Variants in PPP1R1B observed in about 807,000 individuals in gnomAD.
The protein encoded by PPP1R1B is protein phosphatase 1 regulatory inhibitor subunit 1B.
PPP1R1B carries 13 observed loss-of-function variants against 28.2 expected under a neutral mutation model. The observed-to-expected ratio is 0.46, with a 90% CI of 0.30 to 0.73. The LOEUF is 0.73. Among genes scored for constraint, PPP1R1B ranks in the 30% least tolerant of loss-of-function variants. The probability of loss-of-function intolerance (pLI) is 0.07; values close to 1 mark genes in which losing one functional copy is unlikely to be tolerated. For synonymous variants in PPP1R1B, 102 were observed against 97.5 expected (o/e 1.05, Z -0.27); for missense variants, 236 against 256.7 (o/e 0.92, Z 0.55).
At position 39,630,047 on chromosome 17, in the gene PPP1R1B, G is replaced by A; in HGVS notation, c.241G>A (p.Ala81Thr). ...TGCCTACACACCACCTTCGCTGAAA[G>A]GTACTATACCCCCACCGACCTTCCT... ...PCAYTPPSLKAVQRIAESHLQ... is the reference protein window; with the variant it reads ...PCAYTPPSLKTVQRIAESHLQ... The change falls in exon 4 of 7, where the codon GCT becomes ACT. Residue 81 changes from alanine (A) to threonine (T), a missense_variant and splice_region_variant. Coordinates refer to ENST00000254079, the MANE Select transcript of PPP1R1B (RefSeq NM_032192.4). The A allele has an allele frequency of 6.2e-7, 1 of 1,614,034 alleles. No individual in the cohort carries two copies. The highest frequency in any genetic ancestry group is 8.5e-7 in the Non-Finnish European group (1 of 1,179,922).
Position 39,633,482 on chromosome 17 carries a change from C to T in PPP1R1B, c.242-401C>T, listed in dbSNP as rs181913274. 3.1e-5 allele frequency: 6 copies of T among 194,732 alleles called. No homozygotes were observed. The East Asian group carries it at 5.1e-4, about 16-fold the overall frequency. The allele number at this position is 194,732 out of a possible 1,614,324, so 12.1% of individuals were successfully genotyped here. On this transcript the variant is annotated intron_variant, in intron 4 of 6. Coordinates refer to ENST00000254079, the MANE Select transcript of PPP1R1B (RefSeq NM_032192.4). ...GCAAATCCCCAGGCCCTGGTTCCTA[C>T]GCCCTGTGCCTTCTGCCTGGGCTTG...
intron 4 of PPP1R1B, chr17:39,632,554 C>T (rs1360441734): frequency 1.3e-5 from 2 of 152,238 alleles, no homozygotes; most frequent in Non-Finnish European, 2.9e-5. Flanking sequence ...AATCGAGGGC[C>T]CTAGAGAGAG....
In PPP1R1B at chr17:39,629,202, G is replaced by A. The variant is rs1369779119; in HGVS notation, c.114G>A (p.Leu38=). ...IRRRRPTPAM[L]FRLSEHSSPE... is the part of the protein sequence containing the mutation. Reference sequence around the variant, plus strand: ...GCAGGAGACCAACGCCTGCCATGCTGTTCCGGCTCTCAGAGCACTCCTCAC... The same window carrying A: ...GCAGGAGACCAACGCCTGCCATGCTATTCCGGCTCTCAGAGCACTCCTCAC... The change falls in exon 2 of 7, where the codon CTG becomes CTA. Residue 38 remains leucine, a synonymous_variant. Transcript: ENST00000254079. 6.2e-7 allele frequency: 1 copy of A among 1,613,756 alleles called. No individual in the cohort carries two copies. The highest frequency in any genetic ancestry group is 8.5e-7 in the Non-Finnish European group (1 of 1,179,922).
At chr17:39,627,550 C>G in intron 1 of PPP1R1B, 77 bp downstream of exon 1, 1 of 953,926 alleles carries the variant, frequency 1.0e-6, no homozygotes, top group South Asian at 1.7e-5. Flanking sequence ...AAGGCGCTGC[C>G]CCGGCCGGAC....
chr17:39,629,991 A>G lies in PPP1R1B; in HGVS notation c.185A>G (p.His62Arg), dbSNP rs2144837877. Residue 62 changes from histidine to arginine, a missense_variant, in exon 4 of 7, where the codon CAC (histidine) becomes CGC (arginine). Transcript: ENST00000254079. ...TGGCAGAGAGCCTCAGGAGAGGGGC[A>G]CCATCTCAAGTCGAAGAGACCCAAC... ...SPHQRASGEG[H>R]HLKSKRPNPC... 1 of 1,614,104 alleles carries G rather than the reference A, an allele frequency of 6.2e-7. No individual in the cohort carries two copies.
Position 39,627,414 on chromosome 17 carries a change from A to C in PPP1R1B, c.22A>C (p.Lys8Gln). 1 of 1,603,908 alleles carries C rather than the reference A, an allele frequency of 6.2e-7. No homozygotes were observed. Among genetic ancestry groups the C allele is most frequent in the Non-Finnish European group, 8.5e-7 (1 of 1,176,564 alleles). The stretch of plus-strand genomic sequence containing the variant: ...CGCCATGGACCCCAAGGACCGCAAG[A>C]AGATCCAGTTCTCGGTGCCCGCGCC... Reference protein sequence around the residue: MDPKDRKKIQFSVPAPPS... With the variant: MDPKDRKQIQFSVPAPPS... Residue 8 changes from lysine to glutamine, a missense_variant, in exon 1 of 7, where the codon AAG becomes CAG. By Grantham distance (53) the Lys-to-Gln change is moderately conservative. Transcript: ENST00000254079.
chr17:39,631,107 C>T (rs1383987873), intron 4 of PPP1R1B, among the ~76,000 whole-genome samples: 1 of 151,806 alleles, frequency 6.6e-6, no homozygotes, highest in African/African-American at 2.4e-5. Flanking sequence ...TAGAGGTGCA[C>T]ACCTATAGTC....
rs142312063 is a variant in PPP1R1B at position 39,635,678 on chromosome 17, G to A, written c.517G>A (p.Glu173Lys). The A allele has an allele frequency of 1.3e-5, 21 of 1,613,958 alleles. No homozygotes were observed. The highest frequency in any genetic ancestry group is 2.7e-5 in the African/African-American group (2 of 74,884). ...GCGCCCACCCCCTCTGGATGAGTCC[G>A]AGAGAGATGGAGGCTCTGAGGACCA... is the stretch of plus-strand genomic sequence containing the variant. Reference protein sequence around the residue: ...WERPPPLDESERDGGSEDQVE... With the variant: ...WERPPPLDESKRDGGSEDQVE... Residue 173 changes from glutamate to lysine, a missense_variant, in exon 6 of 7, where the codon GAG becomes AAG. Glu to Lys is a moderately conservative substitution (Grantham distance 56). Transcript: ENST00000254079.
chr17:39,630,085 G>A lies in PPP1R1B; in HGVS notation c.241+38G>A. The A allele has an allele frequency of 1.3e-6, 2 of 1,588,958 alleles. 1 individual carries two copies. ...CACCGACCTTCCTGGCTGTCCGCCTGATCCCTGGAACTGGGCAGACGCTAG... is the reference window on the plus strand; with the variant it reads ...CACCGACCTTCCTGGCTGTCCGCCTAATCCCTGGAACTGGGCAGACGCTAG... On this transcript the variant is annotated intron_variant, in intron 4 of 6. Transcript: ENST00000254079.
At chr17:39,634,801 T>G (rs1306210647) in intron 5 of PPP1R1B, among the ~76,000 whole-genome samples, 1 of 152,172 alleles carries the variant, frequency 6.6e-6, no homozygotes, top group Non-Finnish European at 1.5e-5. Context: ...TGGGCTTCAG[T>G]CCCTTTGTGG....
chr17:39,630,695 G>A (rs915677608), intron 4 of PPP1R1B, among the ~76,000 whole-genome samples: 5 of 152,208 alleles, frequency 3.3e-5, no homozygotes, highest in East Asian at 1.9e-4. Context: ...AGGCCAAGGC[G>A]GGAGGACTGC....
intron 4 of PPP1R1B, 79 bp downstream of exon 4, chr17:39,630,126 T>A: frequency 1.5e-6 from 2 of 1,350,922 alleles, no homozygotes; most frequent in Non-Finnish European, 2.1e-6. Context: ...CTTTTGTCAG[T>A]GGGGAGGGAT....
chr17:39,635,293 G>A lies in PPP1R1B; in HGVS notation c.446-314G>A, dbSNP rs1236709313. Among the ~76,000 whole-genome samples the A allele has an allele frequency of 2.6e-5, 4 of 152,188 alleles. No individual in the cohort carries two copies. In the East Asian group the frequency reaches 7.7e-4, roughly 29 times the overall value. On this transcript the variant is annotated intron_variant, in intron 5 of 6. Coordinates refer to ENST00000254079, the MANE Select transcript of PPP1R1B (RefSeq NM_032192.4). ...GGTCAAATGATAGTCCTATGATGGA[G>A]CAATATAAACCACCACGACTCCTAG...
chr17:39,629,948 T>C, intron 3 of PPP1R1B, 24 bp from the exon 4 acceptor site: 1 of 1,613,058 alleles, frequency 6.2e-7, no homozygotes, highest in Non-Finnish European at 8.5e-7. Context: ...CTGAGCCCCT[T>C]TAACCTGGCA....
At position 39,630,002 on chromosome 17, in the gene PPP1R1B, T is replaced by G. The variant is rs1399902677; in HGVS notation, c.196T>G (p.Ser66Ala). Reference sequence around the variant, plus strand: ...CTCAGGAGAGGGGCACCATCTCAAGTCGAAGAGACCCAACCCCTGTGCCTA... The same window carrying G: ...CTCAGGAGAGGGGCACCATCTCAAGGCGAAGAGACCCAACCCCTGTGCCTA... The part of the protein sequence containing the change: ...RASGEGHHLK[S>A]KRPNPCAYTP... Residue 66 changes from serine (S) to alanine (A), a missense_variant, in exon 4 of 7, where the codon TCG becomes GCG. Ser to Ala is a moderately conservative substitution (Grantham distance 99). Coordinates refer to ENST00000254079, the MANE Select transcript of PPP1R1B (RefSeq NM_032192.4). 6.2e-7 allele frequency: 1 copy of G among 1,614,042 alleles called. No individual in the cohort carries two copies. Among genetic ancestry groups the G allele is most frequent in the South Asian group, 1.1e-5 (1 of 91,080 alleles).
intron 1 of PPP1R1B, chr17:39,628,464 G>T: frequency 1.0e-6 from 1 of 981,552 alleles, no homozygotes; most frequent in African/African-American, 1.7e-5. Flanking sequence ...GGGGCGGTCA[G>T]TTGCTGCTTG....
chr17:39,629,714 C>T, intron 3 of PPP1R1B, 152 bp downstream of exon 3: 1 of 817,478 alleles, frequency 1.2e-6, no homozygotes, highest in African/African-American at 1.7e-5. Context: ...TGCCTCATGC[C>T]AGGGTGCCAC....
chr17:39,628,453 G>T, intron 1 of PPP1R1B: 9 of 955,212 alleles, frequency 9.4e-6, no homozygotes, highest in Non-Finnish European at 1.1e-5. Flanking sequence ...GGGCGGGGAG[G>T]GGGGCGGTCA....
chr17:39,627,144 G>A lies in PPP1R1B; in HGVS notation c.-249G>A, dbSNP rs1418376720. On this transcript the variant is annotated 5_prime_UTR_variant, in exon 1 of 7. Coordinates refer to ENST00000254079, the MANE Select transcript of PPP1R1B (RefSeq NM_032192.4). ...GGGGAGCGCGAGGGAGCGAGGCACAGACCTGGCTCAGCGAGCGCGGGGGGC... is the reference window on the plus strand; with the variant it reads ...GGGGAGCGCGAGGGAGCGAGGCACAAACCTGGCTCAGCGAGCGCGGGGGGC... The A allele has an allele frequency of 1.1e-5, 5 of 471,390 alleles. No individual in the cohort carries two copies. The highest frequency in any genetic ancestry group is 1.9e-5 in the Non-Finnish European group (5 of 268,892). 29.2% of individuals were successfully genotyped at this position (471,390 alleles called of 1,614,324 possible).
Sources: gnomAD v4.1 joint callset for allele counts (sites outside exome capture counted in the v4.1 genomes callset) on GRCh38, gnomAD v4.1.1 for gene constraint, MANE v1.5 for transcripts, NCBI Gene and HGNC (gene_info 2026-07-23, HGNC 2026-07-21) for gene names.